CCDC25: variants seen among roughly 807,000 people sequenced by gnomAD.
CCDC25 encodes the protein coiled-coil domain containing 25, also known as coiled-coil domain-containing protein 25.
Under a neutral mutation model 35.3 loss-of-function variants are expected in CCDC25, and 16 were observed. That is an observed-to-expected ratio of 0.45 (90% CI 0.31 to 0.69). The LOEUF is 0.69. CCDC25 is among the 30% of genes least tolerant of loss of function. CCDC25 has a pLI of 0.06. For missense variants in CCDC25, 179 were observed against 250.7 expected, an observed-to-expected ratio of 0.71 and a Z score of 1.93; for synonymous variants, 79 against 80.3, an observed-to-expected ratio of 0.98 and a Z score of 0.09.
intron 5 of CCDC25, among the ~76,000 whole-genome samples, chr8:27,751,523 T>C (rs1563450086): frequency 6.6e-6 from 1 of 152,172 alleles, no homozygotes; most frequent in Non-Finnish European, 1.5e-5. Flanking sequence ...GCGCTGCTCT[T>C]GTCCTGTAAT....
intron 7 of CCDC25, among the ~76,000 whole-genome samples, chr8:27,744,617 G>A (rs1803546792): frequency 6.6e-6 from 1 of 152,026 alleles, no homozygotes; most frequent in Admixed American, 6.6e-5. Context: ...ACCTATAAAG[G>A]CTCTTTATCA....
intron 1 of CCDC25, among the ~76,000 whole-genome samples, chr8:27,765,465 A>C (rs934884589): frequency 3.9e-5 from 6 of 152,136 alleles, no homozygotes; most frequent in Admixed American, 1.3e-4. Flanking sequence ...AAGAAGAATA[A>C]GCCACGGAGA....
At chr8:27,765,563 T>C (rs1262377610) in intron 1 of CCDC25, among the ~76,000 whole-genome samples, 1 of 152,126 alleles carries the variant, frequency 6.6e-6, no homozygotes, top group Admixed American at 6.5e-5. Flanking sequence ...ACTTTCCTAC[T>C]TTCTCAGGGT....
intron 5 of CCDC25, among the ~76,000 whole-genome samples, chr8:27,750,417 A>G (rs10216403): frequency 0.8 from 121,845 of 152,006 alleles, 49,528 homozygotes; most frequent in Non-Finnish European, 0.87. Context: ...TGGATAATTT[A>G]TGAAGTACTT....
At chr8:27,741,367 A>T (rs922197252) in intron 7 of CCDC25, among the ~76,000 whole-genome samples, 1 of 152,218 alleles carries the variant, frequency 6.6e-6, no homozygotes, top group Non-Finnish European at 1.5e-5. Context: ...TTCATCAATA[A>T]CTATGGTGAA....
At chr8:27,748,046 G>A (rs745998391) in intron 7 of CCDC25, 31 bp downstream of exon 7, 44 of 1,590,772 alleles carry the variant, frequency 2.8e-5, no homozygotes, top group East Asian at 8.9e-5. Context: ...TAATCTTTGA[G>A]GTCAGTCTCA....
chr8:27,740,595 T>C, intron 7 of CCDC25, 78 bp from the exon 8 acceptor site: 1 of 1,242,236 alleles, frequency 8.1e-7, no homozygotes, highest in Non-Finnish European at 1.2e-6. Flanking sequence ...ATTTCCTGTG[T>C]ATCCAGCACT....
rs557216259 is a variant in CCDC25, at chr8:27,734,080, C to T, written c.*2136G>A. ...ACACTGAAGGGGTTCAACTAATGTCCATCACTTATTCTGCTAATGTCAGTG... is the reference window on the plus strand; with the variant it reads ...ACACTGAAGGGGTTCAACTAATGTCTATCACTTATTCTGCTAATGTCAGTG... On this transcript the variant is annotated 3_prime_UTR_variant, in exon 9 of 9. Transcript: ENST00000356537. 2 of 152,172 alleles carry T rather than the reference C, an allele frequency of 1.3e-5. No individual in the cohort carries two copies. The highest frequency in any genetic ancestry group is 2.9e-5 in the Non-Finnish European group (2 of 68,040). 9.4% of individuals were successfully genotyped at this position (152,172 alleles called of 1,614,324 possible).
rs80123208 is a variant in CCDC25 at position 27,737,088 on chromosome 8, G to T, written c.598-843C>A. Among the ~76,000 whole-genome samples, 1,729 of 152,196 alleles carry T rather than the reference G, an allele frequency of 0.011. 10 individuals are homozygous for T. Among genetic ancestry groups the T allele is most frequent in the Middle Eastern group, 0.02 (6 of 294 alleles). ...AAAGATGGTAGAGAAATACGATATG[G>T]GTAGAAAACATTGGTTCCTGTGAAG... is the stretch of plus-strand genomic sequence containing the variant. On this transcript the variant is annotated intron_variant, in intron 8 of 8. Transcript: ENST00000356537. This position sits in a 1 kb window ranked among gnomAD's most constrained non-coding sequence, Gnocchi z 4.6.
At chr8:27,759,050 T>C (rs1015804684) in intron 3 of CCDC25, among the ~76,000 whole-genome samples, 1 of 152,174 alleles carries the variant, frequency 6.6e-6, no homozygotes, top group African/African-American at 2.4e-5. Flanking sequence ...GCAAACGACT[T>C]CTCCAATCTT....
Sources: allele counts gnomAD v4.1 joint callset (sites outside exome capture counted in the v4.1 genomes callset), GRCh38; gene constraint gnomAD v4.1.1; non-coding constraint Gnocchi (gnomAD v3.1); transcripts MANE v1.5; gene names NCBI Gene and HGNC (gene_info 2026-07-23, HGNC 2026-07-21).